The following SVIL variants were observed in gnomAD, a reference collection of about 807,000 sequenced individuals.
The protein encoded by SVIL is supervillin.
SVIL carries 101 observed loss-of-function variants against 240.4 expected under a neutral mutation model. The observed-to-expected ratio is 0.42, with a 90% CI of 0.36 to 0.50. SVIL has a LOEUF of 0.50. SVIL is among the 20% of genes least tolerant of loss of function. SVIL has a pLI of 0.01. For missense variants in SVIL, 2,512 were observed against 2,818.7 expected (o/e 0.89, Z 2.46); for synonymous variants, 999 against 1,100.0 (o/e 0.91, Z 1.82).
chr10:29,699,511 C>A (rs1028094365), intron 1 of SVIL, among the ~76,000 whole-genome samples: 11 of 152,096 alleles, frequency 7.2e-5, no homozygotes, highest in Non-Finnish European at 1.3e-4. Context: ...GCCATGTTGG[C>A]CAGGCTGGTC....
Position 29,465,654 on chromosome 10 carries a change from G to A in SVIL, c.6074C>T (p.Pro2025Leu), listed in dbSNP as rs1419895989. ...GAAGGGCATGGAACTGACCACAGAG[G>A]GGGCTCGGGCAGGGTACACAAACTC... ...ATEFVYPARAPSVVSSMPFLQ... is the reference protein window; with the variant it reads ...ATEFVYPARALSVVSSMPFLQ... The change falls in exon 34 of 38, where the codon CCC becomes CTC. Residue 2025 changes from proline (P) to leucine (L), a missense_variant. By Grantham distance (98) the Pro-to-Leu change is moderately conservative. Around this residue, in one of 3 missense-constraint regions of SVIL, gnomAD observed 797 missense variants for 925.3 expected, o/e 0.86. Transcript: ENST00000355867. 6.2e-7 allele frequency: 1 copy of A among 1,613,748 alleles called. No individual in the cohort carries two copies. The highest frequency in any genetic ancestry group is 1.3e-5 in the African/African-American group (1 of 74,918).
chr10:29,728,247 A>G (rs1964406618), intron 1 of SVIL, among the ~76,000 whole-genome samples: 1 of 152,234 alleles, frequency 6.6e-6, no homozygotes, highest in African/African-American at 2.4e-5. Context: ...GTGTATGTAC[A>G]ATTTCCATTT....
At chr10:29,557,132 G>A (rs2026666) in intron 3 of SVIL, among the ~76,000 whole-genome samples, 45,593 of 147,234 alleles carry the variant, frequency 0.31, 7,161 homozygotes, top group African/African-American at 0.4. Context: ...GTCTCATTCT[G>A]TCACCCAGGC....
At chr10:29,546,962 A>G (rs930932347) in intron 6 of SVIL, among the ~76,000 whole-genome samples, 1 of 152,148 alleles carries the variant, frequency 6.6e-6, no homozygotes, top group Middle Eastern at 3.2e-3. Context: ...CATGGGTACT[A>G]TTTGTCTTCA....
In SVIL at chr10:29,494,968, A is replaced by G; in HGVS notation, c.3787T>C (p.Ser1263Pro). 1 of 1,613,892 alleles carries G rather than the reference A, an allele frequency of 6.2e-7. No individual in the cohort carries two copies. Residue 1263 changes from serine to proline, a missense_variant, in exon 20 of 38, where the codon TCG becomes CCG. Around this residue, in one of 3 missense-constraint regions of SVIL, gnomAD observed 272 missense variants for 406.8 expected, o/e 0.67. Coordinates refer to ENST00000355867, the MANE Select transcript of SVIL (RefSeq NM_021738.3). ...IEARPDMQLESDLKLDRLETF... is the reference protein window; with the variant it reads ...IEARPDMQLEPDLKLDRLETF... ...TCCAGCCTGTCCAACTTCAGGTCCG[A>G]TTCTAACTGCATATCTGGTCTGGCT...
chr10:29,528,598 G>C (rs1292512223), intron 12 of SVIL, among the ~76,000 whole-genome samples: 1 of 151,980 alleles, frequency 6.6e-6, no homozygotes, highest in Non-Finnish European at 1.5e-5. Context: ...AATTAGCCAG[G>C]TGTGGTGGTT....
chr10:29,540,564 A>AC (rs1035231673), intron 6 of SVIL, among the ~76,000 whole-genome samples: 4 of 152,042 alleles, frequency 2.6e-5, no homozygotes, highest in African/African-American at 9.7e-5. Flanking sequence ...GTGCAGCAGG[A>AC]CCCCCCAGCA....
At chr10:29,694,057 C>T (rs1435732148) in intron 1 of SVIL, among the ~76,000 whole-genome samples, 1 of 151,948 alleles carries the variant, frequency 6.6e-6, no homozygotes, top group Non-Finnish European at 1.5e-5. Flanking sequence ...ATCCCATAGA[C>T]AGCCCCCCTA....
chr10:29,551,808 G>A (rs17835033), intron 5 of SVIL, among the ~76,000 whole-genome samples: 77,754 of 151,864 alleles, frequency 0.51, 20,146 homozygotes, highest in African/African-American at 0.59. Context: ...CACATGCCTG[G>A]TGTAGGAAAT....
At position 29,634,816 on chromosome 10, in the gene SVIL, A is replaced by G. The variant is rs1958247666; in HGVS notation, c.-597T>C. 1 of 152,148 alleles carries G rather than the reference A, an allele frequency of 6.6e-6. No individual in the cohort carries two copies. Among genetic ancestry groups the G allele is most frequent in the Non-Finnish European group, 1.5e-5 (1 of 68,032 alleles). The allele number at this position is 152,148 out of a possible 1,614,324, so 9.4% of individuals were successfully genotyped here. A position where few individuals can be genotyped will look rare whatever the true frequency, so the allele number is the denominator to read the frequency against. On this transcript the variant is annotated 5_prime_UTR_variant, in exon 1 of 38. Coordinates refer to ENST00000355867, the MANE Select transcript of SVIL (RefSeq NM_021738.3). ...TCCTCTCCAAAAAGAACGCCAAAAT[A>G]TTAATAAAAAGAGTCTTCTTTTTGA...
At chr10:29,521,982 C>T (rs541609516) in intron 16 of SVIL, among the ~76,000 whole-genome samples, 2 of 152,162 alleles carry the variant, frequency 1.3e-5, no homozygotes, top group African/African-American at 2.4e-5. Flanking sequence ...ATCTTCACTC[C>T]CTCTACACAT....
At chr10:29,478,271 AATTGTT>A (rs1205368066) in intron 29 of SVIL, among the ~76,000 whole-genome samples, 21 of 152,210 alleles carry the variant, frequency 1.4e-4, no homozygotes, top group African/African-American at 1.9e-4. Context: ...CTTTGTTATT[AATTGTT>A]ATTGTTATTG....
intron 6 of SVIL, among the ~76,000 whole-genome samples, chr10:29,548,675 T>C (rs1952923011): frequency 6.6e-6 from 1 of 152,186 alleles, no homozygotes; most frequent in Non-Finnish European, 1.5e-5. Flanking sequence ...GGCATTCTAG[T>C]TCTATTTCGT....
rs1205811858 is a variant in SVIL at position 29,526,966 on chromosome 10, A to C, written c.2337T>G (p.Pro779=). ...CATCTGTATCTGTCCAGTACCTGGC[A>C]GGCTGCACAGCGCTCCTAGCTACAG... The part of the protein sequence containing the change: ...SPTVARSAVQ[P]ARLQASAHQK... The change falls in exon 13 of 38, where the codon CCT becomes CCG. Residue 779 remains proline (P), a synonymous_variant. Coordinates refer to ENST00000355867, the MANE Select transcript of SVIL (RefSeq NM_021738.3). 2.5e-6 allele frequency: 4 copies of C among 1,599,364 alleles called. No homozygotes were observed. In the African/African-American group the frequency reaches 5.4e-5, roughly 22 times the overall value.
intron 3 of SVIL, among the ~76,000 whole-genome samples, chr10:29,641,723 C>A (rs764389599): frequency 6.6e-6 from 1 of 152,212 alleles, no homozygotes; most frequent in East Asian, 1.9e-4. Flanking sequence ...GGAAATGACA[C>A]TTAACCCTTA....
intron 16 of SVIL, among the ~76,000 whole-genome samples, chr10:29,516,398 T>A (rs1950202867): frequency 6.6e-6 from 1 of 152,092 alleles, no homozygotes; most frequent in African/African-American, 2.4e-5. Context: ...CACTAAAACT[T>A]GAGTGTGTTC....
At chr10:29,617,865 C>T (rs1374433423) in intron 1 of SVIL, among the ~76,000 whole-genome samples, 1 of 152,142 alleles carries the variant, frequency 6.6e-6, no homozygotes, top group Non-Finnish European at 1.5e-5. Flanking sequence ...AATTTGACAG[C>T]AAATGGAGAT....
chr10:29,691,293 G>A (rs188189390), intron 1 of SVIL, among the ~76,000 whole-genome samples: 3,989 of 150,958 alleles, frequency 0.026, 177 homozygotes, highest in African/African-American at 0.092. Context: ...CTCACTGCAA[G>A]CTCCACCTCC....
rs147771631 is a variant in SVIL at position 29,458,291 on chromosome 10, C to T, written c.6601G>A (p.Ala2201Thr). The stretch of plus-strand genomic sequence containing the variant: ...TTCTTCAGGTTCACCTGCTTCCAGG[C>T]GGGCAGGGCGTTGTATTCATCCCTC... ...MTRDEYNALP[A>T]WKQVNLKKAK... is the part of the protein sequence containing the mutation. The change falls in exon 38 of 38, where the codon GCC becomes ACC. Residue 2201 changes from alanine to threonine, a missense_variant. Around this residue, in one of 3 missense-constraint regions of SVIL, gnomAD observed 797 missense variants for 925.3 expected, o/e 0.86. Coordinates refer to ENST00000355867, the MANE Select transcript of SVIL (RefSeq NM_021738.3). 50 of 1,614,174 alleles carry T rather than the reference C, an allele frequency of 3.1e-5. No individual in the cohort carries two copies. The African/African-American group carries it at 3.2e-4, about 10-fold the overall frequency.
Sources: gnomAD v4.1 joint callset for allele counts (sites outside exome capture counted in the v4.1 genomes callset) on GRCh38, gnomAD v4.1.1 for gene constraint, gnomAD v4.1.1 regional missense constraint, MANE v1.5 for transcripts, NCBI Gene and HGNC (gene_info 2026-07-23, HGNC 2026-07-21) for gene names.